GALNTL6: variants seen among roughly 807,000 people sequenced by gnomAD.
The protein encoded by GALNTL6 is polypeptide N-acetylgalactosaminyltransferase-like 6.
GALNTL6 carries 46 observed loss-of-function variants against 73.7 expected under a neutral mutation model. That is an observed-to-expected ratio of 0.62 (90% CI 0.49 to 0.80). The LOEUF (loss-of-function observed/expected upper bound fraction) is 0.80. GALNTL6 is among the 30% of genes least tolerant of loss of function. The probability of loss-of-function intolerance (pLI) is 0.00; values close to 1 mark genes in which losing one functional copy is unlikely to be tolerated. For missense variants in GALNTL6, 604 were observed against 755.0 expected (o/e 0.80, Z 2.34); for synonymous variants, 259 against 263.7 (o/e 0.98, Z 0.17).
At chr4:172,341,382 C>T (rs1010998126) in intron 4 of GALNTL6, among the ~76,000 whole-genome samples, 3 of 135,814 alleles carry the variant, frequency 2.2e-5, no homozygotes, top group Admixed American at 7.9e-5. Context: ...ACCCGGGAGG[C>T]GGAGCTTGCA....
chr4:171,820,572 T>C (rs778852503), intron 2 of GALNTL6, among the ~76,000 whole-genome samples: 52 of 152,216 alleles, frequency 3.4e-4, no homozygotes, highest in Non-Finnish European at 5.6e-4. Flanking sequence ...TTGCTTTGAA[T>C]CCACAATAGG....
At chr4:172,698,127 G>T (rs1733801573) in intron 5 of GALNTL6, among the ~76,000 whole-genome samples, 1 of 151,948 alleles carries the variant, frequency 6.6e-6, no homozygotes, top group East Asian at 1.9e-4. Context: ...TAAAAACTTA[G>T]CATTGTCTTC....
chr4:172,735,149 C>T lies in GALNTL6; in HGVS notation c.554-74212C>T, dbSNP rs189835677. Among the ~76,000 whole-genome samples, 8 of 152,254 alleles carry T rather than the reference C, an allele frequency of 5.3e-5. No homozygotes were observed. The East Asian group carries it at 1.4e-3, about 26-fold the overall frequency. On this transcript the variant is annotated intron_variant, in intron 5 of 12. Transcript: ENST00000506823. ...CCCAGAATAGTAGATCCATTGACAG[C>T]TTGCACTATGCACCTGGAAAAGCTG... is the stretch of plus-strand genomic sequence containing the variant.
intron 5 of GALNTL6, among the ~76,000 whole-genome samples, chr4:172,776,401 A>G (rs539342550): frequency 6.6e-6 from 1 of 152,240 alleles, no homozygotes; most frequent in African/African-American, 2.4e-5. Flanking sequence ...ATTTTTTTCT[A>G]ATATTTGTAG....
At chr4:172,283,211 A>G (rs1046328213) in intron 3 of GALNTL6, among the ~76,000 whole-genome samples, 5 of 152,184 alleles carry the variant, frequency 3.3e-5, no homozygotes, top group African/African-American at 1.2e-4. Flanking sequence ...TCCATTACTA[A>G]TCACCTCACG....
chr4:172,887,756 G>A (rs1745809931), intron 8 of GALNTL6, among the ~76,000 whole-genome samples: 1 of 152,082 alleles, frequency 6.6e-6, no homozygotes, highest in Non-Finnish European at 1.5e-5. Context: ...TAGAGACGGG[G>A]TTTCCCCATG....
intron 2 of GALNTL6, among the ~76,000 whole-genome samples, chr4:171,903,374 G>A (rs180909474): frequency 0.014 from 2,076 of 152,162 alleles, 53 homozygotes; most frequent in African/African-American, 0.047. Flanking sequence ...GTCAAAGAAA[G>A]GGGTGATGGA....
chr4:172,547,246 C>G (rs1214011273), intron 5 of GALNTL6, among the ~76,000 whole-genome samples: 1 of 152,038 alleles, frequency 6.6e-6, no homozygotes, highest in East Asian at 1.9e-4. Context: ...ATGCCATCAT[C>G]ATAGCACCAG....
rs890840782 is a variant in GALNTL6, at chr4:171,972,510, C to G, written c.138+157792C>G. 2.0e-5 allele frequency among the ~76,000 whole-genome samples: 3 copies of G among 152,122 alleles called. No individual in the cohort carries two copies. The East Asian group carries it at 5.8e-4, about 29-fold the overall frequency. On this transcript the variant is annotated intron_variant, in intron 2 of 12. Coordinates refer to ENST00000506823, the MANE Select transcript of GALNTL6 (RefSeq NM_001034845.3). ...TGATCAGAAAAGAGAGCCTGTGGGT[C>G]ATTTGATACATAGCAAATTCCATGA...
At chr4:172,827,230 G>C (rs1011086743) in intron 7 of GALNTL6, among the ~76,000 whole-genome samples, 2 of 152,114 alleles carry the variant, frequency 1.3e-5, no homozygotes, top group African/African-American at 4.8e-5. Context: ...GCTTTGGTTT[G>C]TTCAGCCGCA....
chr4:172,888,144 G>A (rs1211940530), intron 8 of GALNTL6, among the ~76,000 whole-genome samples: 1 of 152,144 alleles, frequency 6.6e-6, no homozygotes, highest in Non-Finnish European at 1.5e-5. Context: ...GGTTGTTTGT[G>A]TACTCTGTTG....
chr4:172,889,569 A>G lies in GALNTL6; in HGVS notation c.1041+6662A>G, dbSNP rs1025362179. Among the ~76,000 whole-genome samples the G allele has an allele frequency of 2.9e-4, 44 of 152,152 alleles. 1 individual carries two copies. The highest frequency in any genetic ancestry group is 1.2e-4 in the Non-Finnish European group (8 of 68,022). On this transcript the variant is annotated intron_variant, in intron 8 of 12. Coordinates refer to ENST00000506823, the MANE Select transcript of GALNTL6 (RefSeq NM_001034845.3). ...TGGTGAATCATGTTTATTGATTTGC[A>G]TATGTTGAACCAGCCTTACATCCGA...
intron 5 of GALNTL6, among the ~76,000 whole-genome samples, chr4:172,771,348 T>C (rs1428496020): frequency 6.6e-6 from 1 of 152,156 alleles, no homozygotes; most frequent in Non-Finnish European, 1.5e-5. Context: ...GGGACAAGAG[T>C]TCTCTAAGGT....
chr4:171,890,853 C>T (rs770440625), intron 2 of GALNTL6, among the ~76,000 whole-genome samples: 2 of 151,968 alleles, frequency 1.3e-5, no homozygotes, highest in Non-Finnish European at 2.9e-5. Context: ...AAGTCATTAC[C>T]GGTAAAATTT....
intron 10 of GALNTL6, among the ~76,000 whole-genome samples, chr4:172,974,604 C>A (rs925442645): frequency 2.6e-5 from 4 of 152,174 alleles, no homozygotes; most frequent in African/African-American, 9.7e-5. Context: ...CAGCCAGAAG[C>A]CTCTGTGGTA....
intron 5 of GALNTL6, among the ~76,000 whole-genome samples, chr4:172,420,075 T>G (rs1730998489): frequency 6.6e-6 from 1 of 152,238 alleles, no homozygotes; most frequent in Non-Finnish European, 1.5e-5. Context: ...TATGGAAGTC[T>G]ACTTGTCTAC....
intron 2 of GALNTL6, among the ~76,000 whole-genome samples, chr4:171,953,879 CAT>C (rs1579002750): frequency 6.6e-6 from 1 of 152,070 alleles, no homozygotes. Flanking sequence ...AAGAATACCT[CAT>C]TAACAATTGG....
intron 5 of GALNTL6, among the ~76,000 whole-genome samples, chr4:172,489,423 T>C (rs1252155092): frequency 6.6e-6 from 1 of 152,264 alleles, no homozygotes; most frequent in African/African-American, 2.4e-5. Context: ...TACGCATGTG[T>C]ATGTAAATAT....
chr4:172,183,922 A>G (rs971438970), intron 2 of GALNTL6, among the ~76,000 whole-genome samples: 2 of 151,234 alleles, frequency 1.3e-5, no homozygotes, highest in African/African-American at 4.9e-5. Flanking sequence ...CCTCCTGAAT[A>G]GCTGGAACTA....
Sources: gnomAD v4.1 joint callset for allele counts (sites outside exome capture counted in the v4.1 genomes callset) on GRCh38, gnomAD v4.1.1 for gene constraint, MANE v1.5 for transcripts, NCBI Gene and HGNC (gene_info 2026-07-23, HGNC 2026-07-21) for gene names.